Variants in ALPK3 observed in about 807,000 individuals in gnomAD.
ALPK3 encodes alpha-protein kinase 3.
Under a neutral mutation model 140.0 loss-of-function variants are expected in ALPK3, and 102 were observed. The observed-to-expected ratio is 0.73, with a 90% CI of 0.62 to 0.86. ALPK3 has a LOEUF of 0.86. ALPK3 is among the 40% of genes least tolerant of loss of function. The probability of loss-of-function intolerance (pLI) is 0.00; values close to 1 mark genes in which losing one functional copy is unlikely to be tolerated. For missense variants in ALPK3, 2,254 were observed against 2,208.2 expected (o/e 1.02, Z -0.42); for synonymous variants, 938 against 898.5 (o/e 1.04, Z -0.79).
In ALPK3 at chr15:84,839,968, C is replaced by T. The variant is rs1157186567; in HGVS notation, c.689C>T (p.Ala230Val). ...RFQRKRRLSG[A>V]QAPGPSVPTR... is the part of the protein sequence containing the mutation. ...CAGCGAAAGCGGCGATTGAGCGGGG[C>T]TCAAGCGCCGGGCCCCTCGGTCCCT... The change falls in exon 5 of 14, where the codon GCT (alanine) becomes GTT (valine). Residue 230 changes from alanine to valine, a missense_variant. Ala to Val is a moderately conservative substitution (Grantham distance 64). Around this residue, in one of 3 missense-constraint regions of ALPK3, gnomAD observed 2,088 missense variants for 2,022.9 expected, o/e 1.03. Transcript: ENST00000258888. 1.2e-6 allele frequency: 2 copies of T among 1,612,962 alleles called. No homozygotes were observed. Among genetic ancestry groups the T allele is most frequent in the Non-Finnish European group, 1.7e-6 (2 of 1,179,474 alleles).
rs1160099879 is a variant in ALPK3 at position 84,856,771 on chromosome 15, A to G, written c.2033A>G (p.Glu678Gly). The G allele has an allele frequency of 1.2e-6, 2 of 1,614,132 alleles. No homozygotes were observed. The highest frequency in any genetic ancestry group is 1.3e-5 in the African/African-American group (1 of 75,014). Residue 678 changes from glutamate (E) to glycine (G), a missense_variant, in exon 6 of 14, where the codon GAG (glutamate) becomes GGG (glycine). This residue lies in a region of ALPK3 where 2,088 missense variants were observed against 2,022.9 expected (regional missense o/e 1.03). Coordinates refer to ENST00000258888, the MANE Select transcript of ALPK3 (RefSeq NM_020778.5). ...CAGCTAGAAACAACACAGGCAGGTG[A>G]GAAGATACAGGAAGACAGGAAGGCC... ...ETQLETTQAG[E>G]KIQEDRKAQA...
At chr15:84,858,637 C>G (rs1295738480) in intron 6 of ALPK3, 82 bp downstream of exon 6, 3 of 1,464,776 alleles carry the variant, frequency 2.0e-6, no homozygotes, top group Admixed American at 5.3e-5. Context: ...ACAGCACTAC[C>G]CCATGACAGA....
At chr15:84,817,945 A>G (rs1424293788) in intron 1 of ALPK3, among the ~76,000 whole-genome samples, 4 of 151,826 alleles carry the variant, frequency 2.6e-5, no homozygotes, top group Non-Finnish European at 5.9e-5. Context: ...GGAAAGCCAG[A>G]GTGGCTGAAA....
At chr15:84,850,897 C>T (rs796557828) in intron 5 of ALPK3, among the ~76,000 whole-genome samples, 2 of 150,284 alleles carry the variant, frequency 1.3e-5, no homozygotes, top group African/African-American at 2.5e-5. Context: ...CACACACACA[C>T]ACACACACAC....
chr15:84,829,016 T>A (rs551736141), intron 3 of ALPK3, among the ~76,000 whole-genome samples: 2 of 152,340 alleles, frequency 1.3e-5, no homozygotes, highest in African/African-American at 4.8e-5. Flanking sequence ...TTAAAGAAAA[T>A]TAAATTTTAC....
intron 5 of ALPK3, among the ~76,000 whole-genome samples, chr15:84,851,260 G>A (rs1963800084): frequency 6.6e-6 from 1 of 151,980 alleles, no homozygotes; most frequent in Non-Finnish European, 1.5e-5. Flanking sequence ...AGAATGTCTG[G>A]TACAGAAAAA....
intron 5 of ALPK3, among the ~76,000 whole-genome samples, chr15:84,845,679 A>T (rs1963722176): frequency 6.6e-6 from 1 of 152,208 alleles, no homozygotes; most frequent in Non-Finnish European, 1.5e-5. Context: ...TTGGGAGAAT[A>T]AAAAACTTCG....
In ALPK3 at chr15:84,864,433, T is replaced by C. The variant is rs1452094547; in HGVS notation, c.4500-9T>C. The C allele has an allele frequency of 2.8e-5, 45 of 1,611,076 alleles. No individual in the cohort carries two copies. Among genetic ancestry groups the C allele is most frequent in the Non-Finnish European group, 3.8e-5 (45 of 1,177,496 alleles). On this transcript the variant is annotated splice_polypyrimidine_tract_variant and intron_variant, in intron 11 of 13. Transcript: ENST00000258888. ...CTTCCTGCTTACTGCAGGGTGAAAC[T>C]ATGTTTAGGATCATCCCACTGTATC...
At chr15:84,835,449 C>CCTTGTGTGTTCACAA (rs1458360189) in intron 3 of ALPK3, among the ~76,000 whole-genome samples, 1 of 152,220 alleles carries the variant, frequency 6.6e-6, no homozygotes, top group Non-Finnish European at 1.5e-5. Flanking sequence ...TTCCCATCCA[C>CCTTGTGTGTTCACAA]CTTGTGTGTT....
chr15:84,862,700 G>A lies in ALPK3; in HGVS notation c.4195G>A (p.Gly1399Arg), dbSNP rs1270325848. The A allele has an allele frequency of 6.2e-7, 1 of 1,614,050 alleles. No homozygotes were observed. The highest frequency in any genetic ancestry group is 8.5e-7 in the Non-Finnish European group (1 of 1,180,032). The change falls in exon 10 of 14, where the codon GGG becomes AGG. Residue 1399 changes from glycine (G) to arginine (R), a missense_variant. Gly to Arg is a moderately radical substitution (Grantham distance 125, BLOSUM62 -2). Around this residue, in one of 3 missense-constraint regions of ALPK3, gnomAD observed 2,088 missense variants for 2,022.9 expected, o/e 1.03. Transcript: ENST00000258888. The stretch of plus-strand genomic sequence containing the variant: ...GGGTCTGGCTGACTCTGGCTGCTGG[G>A]GGGACAAGCTCTTTGGGCGACTGGT... ...AKGLADSGCWGDKLFGRLVSE... is the reference protein window; with the variant it reads ...AKGLADSGCWRDKLFGRLVSE...
At chr15:84,862,510 G>A (rs1963958567) in intron 9 of ALPK3, 125 bp from the exon 10 acceptor site, 10 of 1,201,638 alleles carry the variant, frequency 8.3e-6, no homozygotes, top group Non-Finnish European at 3.5e-6. Context: ...GAGCAGGCGT[G>A]GACGGAAAGT....
At chr15:84,825,014 C>T (rs969471241) in intron 2 of ALPK3, among the ~76,000 whole-genome samples, 2 of 152,128 alleles carry the variant, frequency 1.3e-5, no homozygotes, top group Admixed American at 6.5e-5. Context: ...AACCCACTTC[C>T]CTGAAAGAGA....
In ALPK3 at chr15:84,859,834, G is replaced by A. The variant is rs373062858; in HGVS notation, c.4024G>A (p.Gly1342Ser). The change falls in exon 8 of 14, where the codon GGT becomes AGT. Residue 1342 changes from glycine (G) to serine (S), a missense_variant. Physicochemically the swap from Gly to Ser is moderately conservative, Grantham distance 56 (BLOSUM62 0). Transcript: ENST00000258888. ...AIVQASPVDC[G>S]VYRCTIHNEH... is the part of the protein sequence containing the mutation. ...CGTGCAGGCCTCCCCCGTAGACTGC[G>A]GTGTGTATCGGTGCACCATCCACAA... The A allele has an allele frequency of 1.9e-5, 30 of 1,613,888 alleles. No individual in the cohort carries two copies. The highest frequency in any genetic ancestry group is 1.8e-4 in the Admixed American group (11 of 60,010).
Position 84,858,131 on chromosome 15 carries a change from G to T in ALPK3, c.3393G>T (p.Glu1131Asp), listed in dbSNP as rs934462659. Residue 1131 changes from glutamate (E) to aspartate (D), a missense_variant, in exon 6 of 14, where the codon GAG becomes GAT. Physicochemically the swap from Glu to Asp is conservative, Grantham distance 45. This residue lies in a region of ALPK3 where 2,088 missense variants were observed against 2,022.9 expected (regional missense o/e 1.03). Coordinates refer to ENST00000258888, the MANE Select transcript of ALPK3 (RefSeq NM_020778.5). ...CCCCTGGACAGGGGCCCTCAGCAGA[G>T]AGCATAGCCCAGGAGCCCTCCCAAG... ...QAAPGQGPSA[E>D]SIAQEPSQEE... 1.3e-6 allele frequency: 2 copies of T among 1,593,176 alleles called. No homozygotes were observed. The highest frequency in any genetic ancestry group is 1.4e-5 in the African/African-American group (1 of 73,982).
In ALPK3 at chr15:84,840,781, C is replaced by T. The variant is rs1963654211; in HGVS notation, c.1502C>T (p.Ser501Phe). 4 of 1,614,136 alleles carry T rather than the reference C, an allele frequency of 2.5e-6. No individual in the cohort carries two copies. Among genetic ancestry groups the T allele is most frequent in the African/African-American group, 1.3e-5 (1 of 74,940 alleles). Residue 501 changes from serine (S) to phenylalanine (F), a missense_variant, in exon 5 of 14, where the codon TCT (serine) becomes TTT (phenylalanine). Coordinates refer to ENST00000258888, the MANE Select transcript of ALPK3 (RefSeq NM_020778.5). ...ACCACTGACAGCAAGCCCATTTCTT[C>T]TCTGAGTCAAGCTCCAGAATGCGGG... ...EATTDSKPIS[S>F]LSQAPECGAQ...
chr15:84,846,094 AC>A (rs1043578205), intron 5 of ALPK3, among the ~76,000 whole-genome samples: 15 of 152,110 alleles, frequency 9.9e-5, no homozygotes, highest in Non-Finnish European at 2.2e-4. Context: ...CAATAAAAAA[AC>A]CCCAAACAGC....
intron 5 of ALPK3, among the ~76,000 whole-genome samples, chr15:84,847,596 T>A (rs1171055116): frequency 6.6e-6 from 1 of 151,880 alleles, no homozygotes; most frequent in African/African-American, 2.4e-5. Context: ...TCAGAAACAA[T>A]GGAGGCCAAA....
chr15:84,834,476 T>C (rs1963578422), intron 3 of ALPK3, among the ~76,000 whole-genome samples: 2 of 152,208 alleles, frequency 1.3e-5, no homozygotes, highest in Admixed American at 1.3e-4. Flanking sequence ...AGATAATACA[T>C]GAGAAGTATT....
intron 1 of ALPK3, among the ~76,000 whole-genome samples, chr15:84,818,116 G>C (rs1244740327): frequency 6.6e-6 from 1 of 152,108 alleles, no homozygotes; most frequent in African/African-American, 2.4e-5. Flanking sequence ...CGAGGACTTG[G>C]GTCCTCCCCA....
Sources: gnomAD v4.1 joint callset for allele counts (sites outside exome capture counted in the v4.1 genomes callset) on GRCh38, gnomAD v4.1.1 for gene constraint, gnomAD v4.1.1 regional missense constraint, MANE v1.5 for transcripts, NCBI Gene and HGNC (gene_info 2026-07-23, HGNC 2026-07-21) for gene names.